Variants in ARHGAP24 observed in about 807,000 individuals in gnomAD.
ARHGAP24 encodes rho GTPase-activating protein 24.
Under a neutral mutation model 76.4 loss-of-function variants are expected in ARHGAP24, and 50 were observed. That is an observed-to-expected ratio of 0.65 (90% CI 0.52 to 0.83). ARHGAP24 has a LOEUF of 0.83. Ranked by LOEUF, ARHGAP24 falls within the 40% of genes least tolerant of loss-of-function variation. ARHGAP24 has a pLI of 0.00. For synonymous variants in ARHGAP24, 345 were observed against 323.3 expected (o/e 1.07, Z -0.72); for missense variants, 930 against 914.2 (o/e 1.02, Z -0.22).
intron 2 of ARHGAP24, among the ~76,000 whole-genome samples, chr4:85,652,610 T>G (rs1054096797): frequency 1.3e-5 from 2 of 152,330 alleles, no homozygotes; most frequent in South Asian, 4.1e-4. Flanking sequence ...AGTGCCTGAA[T>G]CATTCTAGAG....
chr4:85,862,571 T>A (rs981427359), intron 3 of ARHGAP24, among the ~76,000 whole-genome samples: 1 of 152,064 alleles, frequency 6.6e-6, no homozygotes, highest in Non-Finnish European at 1.5e-5. Context: ...CAGGCCATAT[T>A]TAGTTTGCTT....
chr4:85,744,811 T>C (rs561338277), intron 3 of ARHGAP24, among the ~76,000 whole-genome samples: 51 of 152,238 alleles, frequency 3.4e-4, no homozygotes, highest in Non-Finnish European at 6.0e-4. Context: ...ATTTAGTCTT[T>C]TAAAAATATA....
At chr4:85,612,792 C>CTTTTTGTTT in intron 2 of ARHGAP24, among the ~76,000 whole-genome samples, 1 of 82,774 alleles carries the variant, frequency 1.2e-5, no homozygotes, top group Non-Finnish European at 2.2e-5. Flanking sequence ...CTTTCCATTC[C>CTTTTTGTTT]TTTTTTTTTT....
chr4:85,996,214 A>G (rs1740649813), intron 9 of ARHGAP24, among the ~76,000 whole-genome samples: 1 of 152,210 alleles, frequency 6.6e-6, no homozygotes, highest in African/African-American at 2.4e-5. Context: ...GGGGATTGAC[A>G]GGCTGATTTT....
chr4:85,948,683 A>G (rs1347463725), intron 5 of ARHGAP24, among the ~76,000 whole-genome samples: 1 of 152,212 alleles, frequency 6.6e-6, no homozygotes, highest in Non-Finnish European at 1.5e-5. Context: ...CCAATGCATA[A>G]ACAGACTGAA....
intron 3 of ARHGAP24, among the ~76,000 whole-genome samples, chr4:85,774,161 G>A (rs980384338): frequency 6.6e-6 from 1 of 152,182 alleles, no homozygotes; most frequent in African/African-American, 2.4e-5. Flanking sequence ...CGTACTTGAA[G>A]TGTAGTGAGC....
intron 1 of ARHGAP24, among the ~76,000 whole-genome samples, chr4:85,506,383 G>C (rs771558975): frequency 3.3e-5 from 5 of 152,228 alleles, no homozygotes; most frequent in Non-Finnish European, 7.3e-5. Flanking sequence ...ACCTTGCTGA[G>C]CTGTGGTGGG....
intron 2 of ARHGAP24, among the ~76,000 whole-genome samples, chr4:85,658,261 T>C (rs1560572765): frequency 6.6e-6 from 1 of 152,188 alleles, no homozygotes; most frequent in Admixed American, 6.5e-5. Flanking sequence ...CACTTCATTT[T>C]TTCTCTGTAA....
At chr4:85,965,673 T>C (rs1250938805) in intron 5 of ARHGAP24, among the ~76,000 whole-genome samples, 1 of 152,174 alleles carries the variant, frequency 6.6e-6, no homozygotes, top group African/African-American at 2.4e-5. Flanking sequence ...GAATAAAATA[T>C]CAATGCCAAA....
At chr4:85,748,210 C>T (rs1198879123) in intron 3 of ARHGAP24, among the ~76,000 whole-genome samples, 1 of 152,256 alleles carries the variant, frequency 6.6e-6, no homozygotes, top group Non-Finnish European at 1.5e-5. Context: ...TACCTCTATG[C>T]ATGTTGACCA....
intron 3 of ARHGAP24, among the ~76,000 whole-genome samples, chr4:85,868,508 T>G (rs2110187491): frequency 6.6e-6 from 1 of 152,278 alleles, no homozygotes; most frequent in East Asian, 1.9e-4. Flanking sequence ...TGGAACACTT[T>G]GAGTAATGAA....
chr4:85,785,504 T>A (rs1727793801), intron 3 of ARHGAP24, among the ~76,000 whole-genome samples: 1 of 150,378 alleles, frequency 6.6e-6, no homozygotes, highest in Non-Finnish European at 1.5e-5. Flanking sequence ...TTTTGTTTTG[T>A]TTTTTTAAGA....
intron 2 of ARHGAP24, among the ~76,000 whole-genome samples, chr4:85,691,962 G>A (rs1339298106): frequency 2.0e-5 from 3 of 152,124 alleles, no homozygotes; most frequent in Non-Finnish European, 2.9e-5. Context: ...TTGGTAGCAG[G>A]TGTTGTTCTA....
intron 5 of ARHGAP24, among the ~76,000 whole-genome samples, chr4:85,955,229 A>C (rs1737842624): frequency 6.8e-6 from 1 of 147,692 alleles, no homozygotes; most frequent in Non-Finnish European, 1.5e-5. Flanking sequence ...CCCCCCGCCT[A>C]CCCCCCACCC....
chr4:85,626,126 G>A (rs1221032560), intron 2 of ARHGAP24, among the ~76,000 whole-genome samples: 1 of 152,178 alleles, frequency 6.6e-6, no homozygotes, highest in Non-Finnish European at 1.5e-5. Context: ...ATGTTAGCTG[G>A]TTATTTTGCT....
At position 85,995,574 on chromosome 4, in the gene ARHGAP24, C is replaced by A. The variant is rs1740614366; in HGVS notation, c.1920C>A (p.Asn640Lys). The change falls in exon 9 of 10, where the codon AAC becomes AAA. Residue 640 changes from asparagine to lysine, a missense_variant. Coordinates refer to ENST00000395184, the MANE Select transcript of ARHGAP24 (RefSeq NM_001025616.3). ...SETFVGNSSS[N>K]HSALHSLVSS... Reference sequence around the variant, plus strand: ...CATTTGTGGGCAACAGCAGCAGCAACCACAGTGCACTGCACAGTTTAGTTT... The same window carrying A: ...CATTTGTGGGCAACAGCAGCAGCAAACACAGTGCACTGCACAGTTTAGTTT... 6.2e-7 allele frequency: 1 copy of A among 1,613,534 alleles called. No homozygotes were observed. Among genetic ancestry groups the A allele is most frequent in the African/African-American group, 1.3e-5 (1 of 74,868 alleles).
At chr4:85,965,551 C>T (rs540062530) in intron 5 of ARHGAP24, among the ~76,000 whole-genome samples, 3 of 152,180 alleles carry the variant, frequency 2.0e-5, no homozygotes, top group South Asian at 4.2e-4. Context: ...GATTTAAACT[C>T]GTGACCATTA....
chr4:86,000,457 C>CT, intron 9 of ARHGAP24, 22 bp from the exon 10 acceptor site: 1 of 667,034 alleles, frequency 1.5e-6, no homozygotes, highest in Non-Finnish European at 2.3e-6. Context: ...CCACCCCCCA[C>CT]CCCCCCCAAC....
chr4:85,623,815 TA>T (rs1720815571), intron 2 of ARHGAP24, among the ~76,000 whole-genome samples: 1 of 151,566 alleles, frequency 6.6e-6, no homozygotes, highest in Non-Finnish European at 1.5e-5. Flanking sequence ...ACATCCTTTG[TA>T]AGTTGGATTC....
Sources: allele counts gnomAD v4.1 joint callset (sites outside exome capture counted in the v4.1 genomes callset), GRCh38; gene constraint gnomAD v4.1.1; transcripts MANE v1.5; gene names NCBI Gene and HGNC (gene_info 2026-07-23, HGNC 2026-07-21).